The following PSEN2 variants were observed in gnomAD, a reference collection of about 807,000 sequenced individuals.
PSEN2 encodes the protein presenilin 2.
A neutral mutation model predicts 49.1 loss-of-function variants in PSEN2; 32 were observed. The ratio of observed to expected loss-of-function variants is 0.65; its 90% CI spans 0.49 to 0.88. The LOEUF (loss-of-function observed/expected upper bound fraction) is 0.88. Ranked by LOEUF, PSEN2 falls within the 40% of genes least tolerant of loss-of-function variation. The pLI is 0.00. For synonymous variants in PSEN2, 255 were observed against 244.0 expected (o/e 1.05, Z -0.42); for missense variants, 522 against 586.9 (o/e 0.89, Z 1.14).
downstream of PSEN2, among the ~76,000 whole-genome samples, chr1:226,896,356 T>G (rs1369859461): frequency 3.3e-5 from 5 of 152,244 alleles, no homozygotes; most frequent in South Asian, 1.0e-3. Context: ...GACTCAGTTG[T>G]GCACGGTGGC....
At chr1:226,894,366 G>A (rs3213437) in intron 12 of PSEN2, among the ~76,000 whole-genome samples, 12 of 152,326 alleles carry the variant, frequency 7.9e-5, no homozygotes, top group Non-Finnish European at 1.2e-4. Context: ...GGAGTGTACC[G>A]GCCCCAGCGT....
chr1:226,878,403 G>A (rs531693835), intron 3 of PSEN2, among the ~76,000 whole-genome samples: 15 of 152,244 alleles, frequency 9.9e-5, no homozygotes, highest in Non-Finnish European at 1.8e-4. Context: ...TGGAGACGTG[G>A]GAATTGTAAG....
At position 226,885,836 on chromosome 1, in the gene PSEN2, C is replaced by T. The variant is rs950138463; in HGVS notation, c.498+157C>T. On this transcript the variant is annotated intron_variant, in intron 6 of 12. Coordinates refer to ENST00000366783, the MANE Select transcript of PSEN2 (RefSeq NM_000447.3). Reference sequence around the variant, plus strand: ...CTCCCCACCCCATCCTGTCTCCCACCGTGGATGACCTAATACTGTTGTCTT... The same window carrying T: ...CTCCCCACCCCATCCTGTCTCCCACTGTGGATGACCTAATACTGTTGTCTT... Among the ~76,000 whole-genome samples, 8 of 152,174 alleles carry T rather than the reference C, an allele frequency of 5.3e-5. No individual in the cohort carries two copies. The Middle Eastern group carries it at 0.01, about 194-fold the overall frequency.
downstream of PSEN2, among the ~76,000 whole-genome samples, chr1:226,900,119 G>T (rs1249268230): frequency 6.6e-6 from 1 of 152,168 alleles, no homozygotes; most frequent in Non-Finnish European, 1.5e-5. Flanking sequence ...TGAATCACAA[G>T]CTGATGTCTT....
chr1:226,874,971 T>TC (rs34468000), intron 2 of PSEN2, among the ~76,000 whole-genome samples: 13 of 152,036 alleles, frequency 8.6e-5, no homozygotes, highest in Non-Finnish European at 1.9e-4. Flanking sequence ...CTCTCCCACT[T>TC]CCCCACAAAC....
chr1:226,872,745 A>C (rs1290728412), intron 2 of PSEN2, among the ~76,000 whole-genome samples: 2 of 152,184 alleles, frequency 1.3e-5, no homozygotes, highest in Non-Finnish European at 2.9e-5. Context: ...ATATTTCTGC[A>C]AGTATTCCCA....
rs1661034551 is a variant in PSEN2 at position 226,882,045 on chromosome 1, G to A, written c.138G>A (p.Gln46=). 6 of 1,613,966 alleles carry A rather than the reference G, an allele frequency of 3.7e-6. No individual in the cohort carries two copies. Among genetic ancestry groups the A allele is most frequent in the East Asian group, 4.5e-5 (2 of 44,880 alleles). The change falls in exon 4 of 13, where the codon CAG becomes CAA. Residue 46 remains glutamine, a synonymous_variant. Coordinates refer to ENST00000366783, the MANE Select transcript of PSEN2 (RefSeq NM_000447.3). ...CAGAGGATGGAGAGAACACTGCCCA[G>A]TGGGTAGGTCCCACCAGCAGCTGGG... is the stretch of plus-strand genomic sequence containing the variant. ...QGPEDGENTA[Q]WRSQENEEDG...
At chr1:226,892,928 T>G (rs145259934) in intron 11 of PSEN2, among the ~76,000 whole-genome samples, 3 of 152,282 alleles carry the variant, frequency 2.0e-5, no homozygotes, top group African/African-American at 7.2e-5. Flanking sequence ...TTGCAGTTTG[T>G]TTTTTGTTGT....
chr1:226,902,376 CT>C (rs1432755372), intron 12 of PSEN2, among the ~76,000 whole-genome samples: 1 of 152,022 alleles, frequency 6.6e-6, no homozygotes, highest in African/African-American at 2.4e-5. Flanking sequence ...TTGGGGACCC[CT>C]GATTTAGAGG....
In PSEN2 at chr1:226,877,565, G is replaced by T. The variant is rs118067884; in HGVS notation, c.-21+2015G>T. Among the ~76,000 whole-genome samples, 576 of 152,292 alleles carry T rather than the reference G, an allele frequency of 3.8e-3. 22 individuals carry two copies. In the East Asian group the frequency reaches 0.086, roughly 23 times the overall value. ...CACCCCCACCCCACCAGGCTAGGAGGGTTGTGATTAGAGGGTGCCCTTGCT... is the reference window on the plus strand; with the variant it reads ...CACCCCCACCCCACCAGGCTAGGAGTGTTGTGATTAGAGGGTGCCCTTGCT... On this transcript the variant is annotated intron_variant, in intron 3 of 12. Transcript: ENST00000366783.
At chr1:226,883,638 C>G in intron 4 of PSEN2, 67 bp from the exon 5 acceptor site, 1 of 1,467,424 alleles carries the variant, frequency 6.8e-7, no homozygotes, top group East Asian at 2.4e-5. Context: ...TTCCAAAAAT[C>G]CGTGCATTAC....
At chr1:226,897,618 A>G (rs1662194728), downstream of PSEN2, 1 of 155,126 alleles carries the variant, frequency 6.4e-6, no homozygotes, top group Admixed American at 6.6e-5. Flanking sequence ...TTTGTAAAAG[A>G]CAGCATTCGA....
intron 3 of PSEN2, among the ~76,000 whole-genome samples, chr1:226,878,515 A>G (rs1399365605): frequency 6.6e-6 from 1 of 152,006 alleles, no homozygotes; most frequent in African/African-American, 2.4e-5. Flanking sequence ...CTGCTTATCC[A>G]TTTTTGTTGT....
chr1:226,887,037 G>C (rs976119071), intron 6 of PSEN2, among the ~76,000 whole-genome samples: 3 of 152,206 alleles, frequency 2.0e-5, no homozygotes, highest in African/African-American at 7.2e-5. Flanking sequence ...AAGCAGGGTG[G>C]AGGGCTGCTG....
chr1:226,900,652 G>A (rs1662287510), downstream of PSEN2, among the ~76,000 whole-genome samples: 1 of 152,154 alleles, frequency 6.6e-6, no homozygotes, highest in South Asian at 2.1e-4. Flanking sequence ...CTGAGTGAAT[G>A]GCCAGAAAGC....
chr1:226,885,595 C>A lies in PSEN2; in HGVS notation c.414C>A (p.Ser138=). 1.9e-6 allele frequency: 3 copies of A among 1,613,910 alleles called. No individual in the cohort carries two copies. Among genetic ancestry groups the A allele is most frequent in the Non-Finnish European group, 2.5e-6 (3 of 1,180,006 alleles). ...CGGTGGGCCAGCGCCTCCTCAACTC[C>A]GTGCTGAACACCCTCATCATGATCA... is the stretch of plus-strand genomic sequence containing the variant. ...TPSVGQRLLN[S]VLNTLIMISV... is the part of the protein sequence containing the mutation. Residue 138 remains serine (S), a synonymous_variant, in exon 6 of 13, where the codon TCC becomes TCA. Transcript: ENST00000366783.
chr1:226,885,491 A>T, intron 5 of PSEN2, 47 bp from the exon 6 acceptor site: 3 of 1,606,894 alleles, frequency 1.9e-6, no homozygotes, highest in South Asian at 1.1e-5. Flanking sequence ...GGGAGCCTCG[A>T]GGAGCAGTCA....
At position 226,890,033 on chromosome 1, in the gene PSEN2, A is replaced by T. The variant is rs762609255; in HGVS notation, c.788-2A>T. On this transcript the variant is annotated splice_acceptor_variant, in intron 8 of 12. Coordinates refer to ENST00000366783, the MANE Select transcript of PSEN2 (RefSeq NM_000447.3). LOFTEE classifies it high-confidence loss of function. ...TTGACAAGGATGTCTCTGTCTTCCT[A>T]GATCTCGTGGCTGTGCTGTGTCCCA... The T allele has an allele frequency of 6.2e-7, 1 of 1,611,788 alleles. No homozygotes were observed. Among genetic ancestry groups the T allele is most frequent in the South Asian group, 1.1e-5 (1 of 91,044 alleles).
intron 5 of PSEN2, among the ~76,000 whole-genome samples, chr1:226,884,162 C>T (rs967990791): frequency 6.6e-6 from 1 of 152,194 alleles, no homozygotes; most frequent in Non-Finnish European, 1.5e-5. Flanking sequence ...GTTGATAACG[C>T]AGTTACTGGG....
Sources: gnomAD v4.1 joint callset for allele counts (sites outside exome capture counted in the v4.1 genomes callset) on GRCh38, gnomAD v4.1.1 for gene constraint, MANE v1.5 for transcripts, NCBI Gene and HGNC (gene_info 2026-07-23, HGNC 2026-07-21) for gene names.